KCNH8: variants seen among roughly 807,000 people sequenced by gnomAD.
The protein encoded by KCNH8 is potassium voltage-gated channel subfamily H member 8, also known as voltage-gated delayed rectifier potassium channel KCNH8.
Under a neutral mutation model 103.6 loss-of-function variants are expected in KCNH8, and 70 were observed. That is an observed-to-expected ratio of 0.68 (90% CI 0.56 to 0.82). The LOEUF is 0.82. Ranked by LOEUF, KCNH8 falls within the 40% of genes least tolerant of loss-of-function variation. The probability of loss-of-function intolerance (pLI) is 0.00; values close to 1 mark genes in which losing one functional copy is unlikely to be tolerated. For missense variants in KCNH8, 1,217 were observed against 1,329.9 expected (o/e 0.92, Z 1.32); for synonymous variants, 498 against 489.4 (o/e 1.02, Z -0.23).
At chr3:19,460,377 A>G (rs1047202549) in intron 11 of KCNH8, among the ~76,000 whole-genome samples, 1 of 152,132 alleles carries the variant, frequency 6.6e-6, no homozygotes, top group African/African-American at 2.4e-5. Flanking sequence ...TGCTATTTTA[A>G]TCTGTTTCTT....
chr3:19,300,248 A>AT (rs1485926343), intron 3 of KCNH8, among the ~76,000 whole-genome samples: 3 of 142,808 alleles, frequency 2.1e-5, no homozygotes, highest in Non-Finnish European at 4.8e-5. Context: ...GACTCTGTCT[A>AT]TAAAAAAAAA....
intron 7 of KCNH8, among the ~76,000 whole-genome samples, chr3:19,414,770 C>T (rs934333299): frequency 6.6e-6 from 1 of 151,872 alleles, no homozygotes; most frequent in Non-Finnish European, 1.5e-5. Flanking sequence ...ATCTTTATTG[C>T]AGTCCATGAG....
chr3:19,314,793 C>A (rs1559472623), intron 3 of KCNH8: 1 of 154,200 alleles, frequency 6.5e-6, no homozygotes, highest in Non-Finnish European at 1.5e-5. Context: ...CTCTCCCAAT[C>A]CCAGATCATT....
At chr3:19,501,812 C>G (rs2068589716) in intron 11 of KCNH8, among the ~76,000 whole-genome samples, 1 of 152,052 alleles carries the variant, frequency 6.6e-6, no homozygotes, top group Admixed American at 6.6e-5. Flanking sequence ...AACCCACAGC[C>G]AATATCATAC....
intron 15 of KCNH8, among the ~76,000 whole-genome samples, chr3:19,530,200 G>A (rs551891568): frequency 1.3e-5 from 2 of 152,278 alleles, no homozygotes; most frequent in African/African-American, 2.4e-5. Context: ...GGGCACAGAA[G>A]TACAGTTAGA....
chr3:19,440,803 A>C lies in KCNH8; in HGVS notation c.1375+2442A>C, dbSNP rs536519054. On this transcript the variant is annotated intron_variant, in intron 8 of 15. Coordinates refer to ENST00000328405, the MANE Select transcript of KCNH8 (RefSeq NM_144633.3). Reference sequence around the variant, plus strand: ...GTTTTTATGTTCCATTCTCTGTTCTAAGTGTTCTGACATAATACCATAATT... The same window carrying C: ...GTTTTTATGTTCCATTCTCTGTTCTCAGTGTTCTGACATAATACCATAATT... Among the ~76,000 whole-genome samples, 4 of 152,306 alleles carry C rather than the reference A, an allele frequency of 2.6e-5. No individual in the cohort carries two copies. In the East Asian group the frequency reaches 5.8e-4, roughly 22 times the overall value.
chr3:19,496,036 C>G (rs1312003764), intron 11 of KCNH8, among the ~76,000 whole-genome samples: 1 of 152,054 alleles, frequency 6.6e-6, no homozygotes, highest in African/African-American at 2.4e-5. Flanking sequence ...TACTGATTTT[C>G]TACATTGATT....
At chr3:19,342,419 A>G (rs2065672649) in intron 3 of KCNH8, among the ~76,000 whole-genome samples, 168 bp from the exon 4 acceptor site, 1 of 152,150 alleles carries the variant, frequency 6.6e-6, no homozygotes, top group African/African-American at 2.4e-5. Context: ...ATAAAAATAT[A>G]TAAATCATAA....
chr3:19,310,570 G>A (rs2065195124), intron 3 of KCNH8, among the ~76,000 whole-genome samples: 1 of 151,828 alleles, frequency 6.6e-6, no homozygotes, highest in South Asian at 2.1e-4. Context: ...TGAGAAAGAA[G>A]TTAGCAGATC....
chr3:19,464,130 G>A (rs748029387), intron 11 of KCNH8, among the ~76,000 whole-genome samples: 3 of 152,104 alleles, frequency 2.0e-5, no homozygotes, highest in Non-Finnish European at 2.9e-5. Context: ...GATTTATGCT[G>A]TCACACTAAC....
At chr3:19,384,698 T>C (rs1383932329) in intron 5 of KCNH8, among the ~76,000 whole-genome samples, 1 of 152,158 alleles carries the variant, frequency 6.6e-6, no homozygotes, top group Non-Finnish European at 1.5e-5. Flanking sequence ...TAACAAGAAC[T>C]CTGAAAACAA....
intron 11 of KCNH8, among the ~76,000 whole-genome samples, chr3:19,486,958 C>A (rs1405367462): frequency 6.6e-6 from 1 of 152,198 alleles, no homozygotes; most frequent in Non-Finnish European, 1.5e-5. Flanking sequence ...TGGACACTTT[C>A]TACCTACAGT....
chr3:19,365,322 GTGT>G (rs1357445393), intron 5 of KCNH8, among the ~76,000 whole-genome samples: 9 of 151,948 alleles, frequency 5.9e-5, no homozygotes, highest in Admixed American at 5.3e-4. Context: ...ATCTTTCTGT[GTGT>G]TGTTTTCTCT....
At chr3:19,289,248 A>G (rs1278092662) in intron 3 of KCNH8, among the ~76,000 whole-genome samples, 1 of 151,842 alleles carries the variant, frequency 6.6e-6, no homozygotes, top group Non-Finnish European at 1.5e-5. Flanking sequence ...CCATTTGTCA[A>G]TTTTGGCTTT....
At chr3:19,346,286 C>T (rs1309851741) in intron 4 of KCNH8, among the ~76,000 whole-genome samples, 5 of 152,054 alleles carry the variant, frequency 3.3e-5, no homozygotes, top group Non-Finnish European at 5.9e-5. Context: ...TTCATCTCCC[C>T]TTCTCTGTTT....
chr3:19,301,471 TC>T (rs1367600411), intron 3 of KCNH8, among the ~76,000 whole-genome samples: 1 of 151,788 alleles, frequency 6.6e-6, no homozygotes, highest in Non-Finnish European at 1.5e-5. Flanking sequence ...AGGAAATCCA[TC>T]ATTAATAGGC....
intron 3 of KCNH8, among the ~76,000 whole-genome samples, chr3:19,305,191 A>G (rs1422050485): frequency 6.6e-6 from 1 of 152,146 alleles, no homozygotes; most frequent in African/African-American, 2.4e-5. Flanking sequence ...AAGACAGTAG[A>G]GCAATGTCTT....
intron 7 of KCNH8, among the ~76,000 whole-genome samples, chr3:19,437,526 A>G (rs1289852038): frequency 6.6e-6 from 1 of 152,232 alleles, no homozygotes; most frequent in Non-Finnish European, 1.5e-5. Context: ...CTAATAGATT[A>G]CAAGTATTCA....
chr3:19,368,283 AAAG>A (rs1435784265), intron 5 of KCNH8, among the ~76,000 whole-genome samples: 2 of 152,042 alleles, frequency 1.3e-5, no homozygotes, highest in African/African-American at 4.8e-5. Context: ...GTGAATAGTA[AAAG>A]AAGAGTGGAA....
Sources: allele counts gnomAD v4.1 joint callset (sites outside exome capture counted in the v4.1 genomes callset), GRCh38; gene constraint gnomAD v4.1.1; transcripts MANE v1.5; gene names NCBI Gene and HGNC (gene_info 2026-07-23, HGNC 2026-07-21).